The following DLGAP1 variants were observed in gnomAD, a reference collection of about 807,000 sequenced individuals.
DLGAP1 encodes disks large-associated protein 1.
A neutral mutation model predicts 90.8 loss-of-function variants in DLGAP1; 11 were observed. The observed-to-expected ratio is 0.12, with a 90% CI of 0.08 to 0.20. The LOEUF (loss-of-function observed/expected upper bound fraction) is 0.20, where lower values mean the gene tolerates loss of function less well. Among genes scored for constraint, DLGAP1 ranks in the 10% least tolerant of loss-of-function variants. DLGAP1 has a pLI of 1.00. For missense variants in DLGAP1, 1,050 were observed against 1,333.8 expected, an observed-to-expected ratio of 0.79 and a Z score of 3.31; for synonymous variants, 558 against 540.7, an observed-to-expected ratio of 1.03 and a Z score of -0.44.
chr18:4,441,097 C>T (rs72866392), intron 1 of DLGAP1, among the ~76,000 whole-genome samples: 2,993 of 152,272 alleles, frequency 0.02, 42 homozygotes, highest in Middle Eastern at 0.037. Context: ...CTTGTCTGAG[C>T]GGCACCAAAG....
chr18:3,912,597 T>C (rs753863), intron 3 of DLGAP1, among the ~76,000 whole-genome samples: 25,409 of 152,024 alleles, frequency 0.17, 2,294 homozygotes, highest in African/African-American at 0.22. Flanking sequence ...TTTAAATATA[T>C]AAATACATAA....
At chr18:4,222,650 G>C (rs1266416714) in intron 1 of DLGAP1, among the ~76,000 whole-genome samples, 1 of 151,762 alleles carries the variant, frequency 6.6e-6, no homozygotes, top group Non-Finnish European at 1.5e-5. Flanking sequence ...GCAGAATTAA[G>C]GACTTTTTAA....
intron 2 of DLGAP1, among the ~76,000 whole-genome samples, chr18:4,115,744 G>A (rs1044529897): frequency 2.0e-5 from 3 of 152,146 alleles, no homozygotes; most frequent in African/African-American, 4.8e-5. Context: ...GATTACAGGC[G>A]TAAGCCACCG....
At chr18:3,882,294 T>C (rs1333022238) in intron 3 of DLGAP1, among the ~76,000 whole-genome samples, 1 of 151,894 alleles carries the variant, frequency 6.6e-6, no homozygotes, top group African/African-American at 2.4e-5. Context: ...CCCAGCACTT[T>C]GGGAGGCCAA....
At chr18:3,805,639 C>A (rs558032548) in intron 5 of DLGAP1, among the ~76,000 whole-genome samples, 3 of 152,176 alleles carry the variant, frequency 2.0e-5, no homozygotes, top group Non-Finnish European at 4.4e-5. Flanking sequence ...ATCTCTTCTT[C>A]CTGAATGCTG....
chr18:4,281,918 A>G (rs964527175), intron 1 of DLGAP1, among the ~76,000 whole-genome samples: 5 of 152,202 alleles, frequency 3.3e-5, no homozygotes, highest in South Asian at 2.1e-4. Flanking sequence ...TGAAACATCT[A>G]TAATGTAAGA....
At chr18:4,299,075 T>C (rs1471637185) in intron 1 of DLGAP1, among the ~76,000 whole-genome samples, 11 of 134,142 alleles carry the variant, frequency 8.2e-5, no homozygotes, top group Non-Finnish European at 1.4e-4. Flanking sequence ...AGCGAGACTC[T>C]GTCTCAAGAC....
intron 1 of DLGAP1, among the ~76,000 whole-genome samples, chr18:4,202,119 G>A (rs774123175): frequency 8.6e-5 from 13 of 151,430 alleles, no homozygotes; most frequent in South Asian, 2.1e-4. Context: ...TGGTGTGTGC[G>A]TGTGTGTGTG....
chr18:4,299,174 G>A lies in DLGAP1; in HGVS notation c.-266-147887C>T, dbSNP rs79495732. On this transcript the variant is annotated intron_variant, in intron 1 of 12. Coordinates refer to ENST00000315677, the MANE Select transcript of DLGAP1 (RefSeq NM_004746.4). ...ATCCGAAGTTCTGGGGTGGAGCTCA[G>A]CAATTTATGCTTTAATAAGCCATTC... 2.9e-3 allele frequency among the ~76,000 whole-genome samples: 433 copies of A among 151,488 alleles called. 8 individuals are homozygous for A. In the East Asian group the frequency reaches 0.038, roughly 13 times the overall value.
At chr18:4,291,227 T>C (rs985203532) in intron 1 of DLGAP1, among the ~76,000 whole-genome samples, 1 of 152,054 alleles carries the variant, frequency 6.6e-6, no homozygotes, top group African/African-American at 2.4e-5. Context: ...ACAGACTGAG[T>C]AGATGTCAAG....
At chr18:4,157,533 GGT>G (rs1390613632) in intron 1 of DLGAP1, among the ~76,000 whole-genome samples, 1 of 152,144 alleles carries the variant, frequency 6.6e-6, no homozygotes, top group African/African-American at 2.4e-5. Flanking sequence ...TGGATTCATG[GGT>G]GTGTGACTCA....
chr18:3,564,934 T>C (rs1365288588), intron 9 of DLGAP1, among the ~76,000 whole-genome samples: 1 of 152,170 alleles, frequency 6.6e-6, no homozygotes, highest in Non-Finnish European at 1.5e-5. Flanking sequence ...AGTGGTGACT[T>C]CCGAGTTCCT....
At chr18:3,851,057 C>T (rs1381571539) in intron 4 of DLGAP1, among the ~76,000 whole-genome samples, 2 of 151,962 alleles carry the variant, frequency 1.3e-5, no homozygotes, top group Non-Finnish European at 2.9e-5. Context: ...GCAGAAAATC[C>T]ACAGACTCCA....
Position 3,890,324 on chromosome 18 carries a change from A to C in DLGAP1, c.-72-10184T>G, listed in dbSNP as rs187662147. Among the ~76,000 whole-genome samples, 3 of 152,368 alleles carry C rather than the reference A, an allele frequency of 2.0e-5. No individual in the cohort carries two copies. In the East Asian group the frequency reaches 5.8e-4, roughly 29 times the overall value. On this transcript the variant is annotated intron_variant, in intron 3 of 12. Transcript: ENST00000315677. ...GCCTGCATGAGAGAGGGGTGGTCAGATACCATGTAAGAAGTGAGAAGGACA... is the reference window on the plus strand; with the variant it reads ...GCCTGCATGAGAGAGGGGTGGTCAGCTACCATGTAAGAAGTGAGAAGGACA...
Position 4,124,927 on chromosome 18 carries a change from T to G in DLGAP1, c.-159+26253A>C, listed in dbSNP as rs143588252. On this transcript the variant is annotated intron_variant, in intron 2 of 12. Coordinates refer to ENST00000315677, the MANE Select transcript of DLGAP1 (RefSeq NM_004746.4). The stretch of plus-strand genomic sequence containing the variant: ...GGAGACCATCCACCACTAGCCAGAG[T>G]TCATGGGCAAGACTAGGTACCCCGG... 1.7e-3 allele frequency among the ~76,000 whole-genome samples: 257 copies of G among 152,104 alleles called. 1 individual carries two copies. Among genetic ancestry groups the G allele is most frequent in the South Asian group, 6.2e-3 (30 of 4,806 alleles).
At chr18:4,269,557 T>C (rs1425129179) in intron 1 of DLGAP1, among the ~76,000 whole-genome samples, 2 of 151,726 alleles carry the variant, frequency 1.3e-5, no homozygotes, top group Non-Finnish European at 2.9e-5. Context: ...GGTTTCACCG[T>C]GTTAGCCAGG....
intron 7 of DLGAP1, among the ~76,000 whole-genome samples, chr18:3,666,365 AT>A (rs777949283): frequency 2.0e-5 from 3 of 148,314 alleles, no homozygotes; most frequent in Non-Finnish European, 4.6e-5. Flanking sequence ...TTTAGTAAGG[AT>A]TTCCACCTTT....
At chr18:4,199,422 A>T (rs926451243) in intron 1 of DLGAP1, among the ~76,000 whole-genome samples, 1 of 152,234 alleles carries the variant, frequency 6.6e-6, no homozygotes, top group African/African-American at 2.4e-5. Flanking sequence ...AATTGGAAAC[A>T]TTTTTGTATT....
chr18:3,521,042 C>G (rs1253628530), intron 10 of DLGAP1, among the ~76,000 whole-genome samples: 1 of 152,078 alleles, frequency 6.6e-6, no homozygotes, highest in Admixed American at 6.5e-5. Context: ...AAATGTAATC[C>G]TGAGCTCACT....
Sources: allele counts gnomAD v4.1 joint callset (sites outside exome capture counted in the v4.1 genomes callset), GRCh38; gene constraint gnomAD v4.1.1; transcripts MANE v1.5; gene names NCBI Gene and HGNC (gene_info 2026-07-23, HGNC 2026-07-21).